Variants in SLF1 observed in about 807,000 individuals in gnomAD.
SLF1 encodes the protein SMC5/6 complex localization factor 1.
In SLF1, 105 loss-of-function variants were observed where a neutral mutation model predicts 123.0. That is an observed-to-expected ratio of 0.85 (90% CI 0.73 to 1.00). The LOEUF is 1.00. Ranked by LOEUF, SLF1 falls within the 50% of genes least tolerant of loss-of-function variation. The pLI, the probability that SLF1 is intolerant of heterozygous loss-of-function variation, is 0.00. For missense variants in SLF1, 1,239 were observed against 1,223.0 expected (o/e 1.01, Z -0.20); for synonymous variants, 434 against 406.6 (o/e 1.07, Z -0.81).
At chr5:94,618,418 CT>C (rs1791177837), upstream of SLF1, 1 of 152,532 alleles carries the variant, frequency 6.6e-6, no homozygotes, top group Non-Finnish European at 1.5e-5. Flanking sequence ...CCACTCACTT[CT>C]CGGGCTGGCC....
chr5:94,670,801 A>T, intron 13 of SLF1, 42 bp from the exon 14 acceptor site: 1 of 1,431,224 alleles, frequency 7.0e-7, no homozygotes, highest in Non-Finnish European at 9.4e-7. Context: ...TGTCATGATC[A>T]AATTGGCTTA....
intron 9 of SLF1, among the ~76,000 whole-genome samples, chr5:94,661,508 GC>G (rs1317549107): frequency 6.6e-6 from 1 of 151,754 alleles, no homozygotes; most frequent in East Asian, 1.9e-4. Context: ...CCATCTTGAA[GC>G]CCCCTTCTTC....
intron 11 of SLF1, among the ~76,000 whole-genome samples, chr5:94,664,791 G>A (rs1485842639): frequency 6.6e-6 from 1 of 152,188 alleles, no homozygotes; most frequent in African/African-American, 2.4e-5. Flanking sequence ...TGTATAGATA[G>A]AGTCATCCCT....
intron 9 of SLF1, among the ~76,000 whole-genome samples, chr5:94,660,498 G>A (rs887935675): frequency 6.6e-6 from 1 of 152,172 alleles, no homozygotes; most frequent in African/African-American, 2.4e-5. Context: ...TCGGAGTAGG[G>A]TAGGCCTTTC....
chr5:94,657,906 A>G (rs1748602446), intron 9 of SLF1, among the ~76,000 whole-genome samples: 1 of 151,942 alleles, frequency 6.6e-6, no homozygotes, highest in East Asian at 1.9e-4. Context: ...ATCTTTTTCC[A>G]TTCTTCTTCA....
In SLF1 at chr5:94,628,892, T is replaced by G. The variant is rs1466733267; in HGVS notation, c.82T>G (p.Leu28Val). The change falls in exon 2 of 21, where the codon TTA becomes GTA. Residue 28 changes from leucine (L) to valine (V), a missense_variant. Leu to Val is a conservative substitution (Grantham distance 32). Transcript: ENST00000265140. ...EEKEALVKLLLKLDCTFIKSE... is the reference protein window; with the variant it reads ...EEKEALVKLLVKLDCTFIKSE... The stretch of plus-strand genomic sequence containing the variant: ...AAAAGAAGCGCTAGTCAAATTACTT[T>G]TAAAACTAGATTGCACTTTTATTAA... 1.3e-6 allele frequency: 2 copies of G among 1,549,320 alleles called. No individual in the cohort carries two copies. Among genetic ancestry groups the G allele is most frequent in the Admixed American group, 4.0e-5 (2 of 50,632 alleles).
intron 15 of SLF1, among the ~76,000 whole-genome samples, chr5:94,682,063 G>A (rs1751856197): frequency 1.3e-5 from 2 of 151,938 alleles, no homozygotes; most frequent in Non-Finnish European, 2.9e-5. Context: ...TATACATTTG[G>A]AGAAAGGTAA....
intron 6 of SLF1, 150 bp downstream of exon 6, chr5:94,649,747 A>G (rs1747460696): frequency 1.4e-6 from 1 of 710,932 alleles, no homozygotes; most frequent in Non-Finnish European, 2.1e-6. Flanking sequence ...CATGTTAGGA[A>G]ATTGTCCTAT....
chr5:94,666,074 T>C (rs545362018), intron 12 of SLF1, 50 bp downstream of exon 12: 3 of 1,434,694 alleles, frequency 2.1e-6, no homozygotes, highest in South Asian at 1.4e-5. Context: ...GTAGTTGTTA[T>C]GCTAATTATT....
intron 16 of SLF1, 88 bp downstream of exon 16, chr5:94,686,806 G>C (rs1585234319): frequency 1.4e-6 from 2 of 1,396,098 alleles, no homozygotes; most frequent in Non-Finnish European, 1.9e-6. Flanking sequence ...TATTTATTTT[G>C]AGATGGAGGC....
At chr5:94,647,567 G>A (rs1030288794) in intron 5 of SLF1, among the ~76,000 whole-genome samples, 1 of 152,154 alleles carries the variant, frequency 6.6e-6, no homozygotes, top group Non-Finnish European at 1.5e-5. Flanking sequence ...TTAGTGCATA[G>A]CACTATACTT....
chr5:94,639,507 T>C (rs781614957), intron 4 of SLF1, among the ~76,000 whole-genome samples: 20 of 152,160 alleles, frequency 1.3e-4, no homozygotes, highest in Non-Finnish European at 1.9e-4. Flanking sequence ...TGTCAAACAG[T>C]ATCTTTTTGC....
intron 14 of SLF1, among the ~76,000 whole-genome samples, chr5:94,671,859 A>G (rs965945955): frequency 6.6e-6 from 1 of 151,614 alleles, no homozygotes; most frequent in Non-Finnish European, 1.5e-5. Context: ...TCCAAGAGAT[A>G]TTTTTAAAAG....
intron 15 of SLF1, among the ~76,000 whole-genome samples, chr5:94,685,081 A>G (rs1752263389): frequency 6.6e-6 from 1 of 152,220 alleles, no homozygotes; most frequent in South Asian, 2.1e-4. Flanking sequence ...TACTTCTCCC[A>G]TCCACTATTG....
chr5:94,623,959 T>C (rs1002292670), intron 1 of SLF1, among the ~76,000 whole-genome samples: 16 of 152,208 alleles, frequency 1.1e-4, no homozygotes, highest in Non-Finnish European at 2.4e-4. Context: ...TCACTTGTCA[T>C]ATCATGTGCT....
chr5:94,663,657 G>GAATA (rs988228208), intron 10 of SLF1, 93 bp from the exon 11 acceptor site: 2 of 1,100,576 alleles, frequency 1.8e-6, no homozygotes, highest in Admixed American at 3.0e-5. Context: ...ATGAATGAAT[G>GAATA]AATAAATAAA....
rs1311330299 is a variant in SLF1 at position 94,649,585 on chromosome 5, G to A, written c.726G>A (p.Met242Ile). The A allele has an allele frequency of 6.0e-6, 9 of 1,496,108 alleles. No individual in the cohort carries two copies. Among genetic ancestry groups the A allele is most frequent in the Non-Finnish European group, 6.3e-6 (7 of 1,111,938 alleles). 92.7% of individuals were successfully genotyped at this position (1,496,108 alleles called of 1,614,324 possible). A position where few individuals can be genotyped will look rare whatever the true frequency, so the allele number is the denominator to read the frequency against. Residue 242 changes from methionine (M) to isoleucine (I), a missense_variant, in exon 6 of 21, where the codon ATG becomes ATA. Transcript: ENST00000265140. Reference sequence around the variant, plus strand: ...TGAAAGGTGCCTTAAGAGAGACCATGTATAGAACCCAGGTAAACTTTATAG... The same window carrying A: ...TGAAAGGTGCCTTAAGAGAGACCATATATAGAACCCAGGTAAACTTTATAG... ...LEMKGALRET[M>I]YRTQKEMQNH...
intron 1 of SLF1, among the ~76,000 whole-genome samples, chr5:94,620,651 C>T (rs1438490904): frequency 6.6e-6 from 1 of 152,074 alleles, no homozygotes; most frequent in Non-Finnish European, 1.5e-5. Context: ...GAATAATAAA[C>T]CCTAAACAAA....
chr5:94,673,755 T>G (rs549183452), intron 14 of SLF1, among the ~76,000 whole-genome samples: 1 of 151,468 alleles, frequency 6.6e-6, no homozygotes, highest in South Asian at 2.1e-4. Flanking sequence ...AAATAGAAGT[T>G]CTTGCTGGTT....
Sources: gnomAD v4.1 joint callset for allele counts (sites outside exome capture counted in the v4.1 genomes callset) on GRCh38, gnomAD v4.1.1 for gene constraint, MANE v1.5 for transcripts, NCBI Gene and HGNC (gene_info 2026-07-23, HGNC 2026-07-21) for gene names.